Variants in CDK14 observed in about 807,000 individuals in gnomAD.
CDK14 encodes the protein cyclin dependent kinase 14.
A neutral mutation model predicts 60.7 loss-of-function variants in CDK14; 34 were observed. That is an observed-to-expected ratio of 0.56 (90% CI 0.43 to 0.75). CDK14 has a LOEUF of 0.75. CDK14 is among the 30% of genes least tolerant of loss of function. The pLI, the probability that CDK14 is intolerant of heterozygous loss-of-function variation, is 0.00. For synonymous variants in CDK14, 197 were observed against 203.7 expected (o/e 0.97, Z 0.28); for missense variants, 482 against 564.1 (o/e 0.85, Z 1.47).
At chr7:91,052,126 G>A (rs576226012) in intron 11 of CDK14, among the ~76,000 whole-genome samples, 11 of 152,286 alleles carry the variant, frequency 7.2e-5, no homozygotes, top group African/African-American at 1.2e-4. Flanking sequence ...CATGAGCTGA[G>A]AGTGCGAGTG....
At chr7:90,657,752 TAAC>T (rs1252922042) in intron 2 of CDK14, among the ~76,000 whole-genome samples, 7 of 152,220 alleles carry the variant, frequency 4.6e-5, no homozygotes, top group Admixed American at 3.3e-4. Flanking sequence ...CTGGCCAACT[TAAC>T]AACGACAGCA....
chr7:91,120,156 G>A (rs936749115), intron 14 of CDK14, among the ~76,000 whole-genome samples: 3 of 152,184 alleles, frequency 2.0e-5, no homozygotes, highest in African/African-American at 7.2e-5. Flanking sequence ...AAGCAAGCCT[G>A]AATTTCAATT....
chr7:91,177,488 G>T (rs1452686253), intron 14 of CDK14, among the ~76,000 whole-genome samples: 1 of 151,720 alleles, frequency 6.6e-6, no homozygotes, highest in Admixed American at 6.6e-5. Flanking sequence ...GGAAATAAAG[G>T]GTATTCAATT....
intron 2 of CDK14, among the ~76,000 whole-genome samples, chr7:90,700,241 G>A (rs1801752738): frequency 6.6e-6 from 1 of 152,066 alleles, no homozygotes. Flanking sequence ...TTTTAGGCAT[G>A]CACCACCATG....
At chr7:91,052,313 C>T (rs192523993) in intron 11 of CDK14, among the ~76,000 whole-genome samples, 3 of 152,172 alleles carry the variant, frequency 2.0e-5, no homozygotes, top group African/African-American at 7.2e-5. Flanking sequence ...GGTCTCACTT[C>T]CTGAGTGTGT....
intron 14 of CDK14, among the ~76,000 whole-genome samples, chr7:91,135,708 G>C (rs1309975312): frequency 6.6e-6 from 1 of 152,070 alleles, no homozygotes; most frequent in Non-Finnish European, 1.5e-5. Context: ...CGTTCTTGAG[G>C]GTTGTTTGCA....
At chr7:91,130,462 AGG>A (rs1158369589) in intron 14 of CDK14, among the ~76,000 whole-genome samples, 1 of 152,160 alleles carries the variant, frequency 6.6e-6, no homozygotes, top group African/African-American at 2.4e-5. Flanking sequence ...AAGAGTCTTA[AGG>A]GGTCCTAAGA....
intron 8 of CDK14, among the ~76,000 whole-genome samples, chr7:90,953,427 A>G (rs530072122): frequency 1.3e-5 from 2 of 152,288 alleles, no homozygotes; most frequent in African/African-American, 2.4e-5. Flanking sequence ...AACATGTGGG[A>G]AAAAAGACAG....
At chr7:90,741,659 T>G (rs1373954757) in intron 3 of CDK14, among the ~76,000 whole-genome samples, 2 of 152,202 alleles carry the variant, frequency 1.3e-5, no homozygotes, top group Non-Finnish European at 2.9e-5. Context: ...CATAATAGGT[T>G]ACTATTTTAT....
intron 11 of CDK14, among the ~76,000 whole-genome samples, chr7:91,048,940 T>A (rs1797312305): frequency 6.6e-6 from 1 of 152,172 alleles, no homozygotes; most frequent in African/African-American, 2.4e-5. Flanking sequence ...AGTGGTGCGA[T>A]TACAACTCAC....
chr7:91,084,285 G>A (rs1798567293), intron 12 of CDK14, among the ~76,000 whole-genome samples: 5 of 152,174 alleles, frequency 3.3e-5, no homozygotes, highest in Admixed American at 2.0e-4. Context: ...GGGACCTGAT[G>A]TCATTCCCCA....
intron 10 of CDK14, among the ~76,000 whole-genome samples, chr7:91,018,093 T>C (rs1452163274): frequency 2.6e-5 from 4 of 152,216 alleles, no homozygotes; most frequent in Non-Finnish European, 5.9e-5. Context: ...TGGATAAATT[T>C]GAAATCTTCA....
intron 10 of CDK14, among the ~76,000 whole-genome samples, chr7:91,023,656 C>T (rs1051969064): frequency 2.6e-5 from 4 of 152,180 alleles, no homozygotes; most frequent in African/African-American, 9.7e-5. Context: ...AAGTACTATG[C>T]TAAGCATTTT....
At chr7:90,805,659 C>T (rs1338375988) in intron 5 of CDK14, among the ~76,000 whole-genome samples, 1 of 151,734 alleles carries the variant, frequency 6.6e-6, no homozygotes, top group African/African-American at 2.4e-5. Context: ...AAAGATGTAC[C>T]TTGTTTATGG....
intron 8 of CDK14, among the ~76,000 whole-genome samples, chr7:90,929,092 G>C (rs551418602): frequency 6.6e-6 from 1 of 152,236 alleles, no homozygotes; most frequent in East Asian, 1.9e-4. Flanking sequence ...TAGGGTGGGA[G>C]TGTCTCGATT....
intron 8 of CDK14, among the ~76,000 whole-genome samples, chr7:90,927,553 T>A (rs1793455735): frequency 6.6e-6 from 1 of 152,144 alleles, no homozygotes; most frequent in Non-Finnish European, 1.5e-5. Context: ...ACAGCTGTAG[T>A]GCAAGTGGTG....
At chr7:91,125,523 C>G (rs902959969) in intron 14 of CDK14, among the ~76,000 whole-genome samples, 1 of 152,056 alleles carries the variant, frequency 6.6e-6, no homozygotes, top group East Asian at 1.9e-4. Flanking sequence ...GCTTTCTCTG[C>G]TAACCAACGC....
At chr7:90,917,542 A>G (rs1169771483) in intron 7 of CDK14, 59 bp from the exon 8 acceptor site, 1 of 1,564,814 alleles carries the variant, frequency 6.4e-7, no homozygotes, top group South Asian at 1.1e-5. Context: ...AGCAGACTGT[A>G]TGTAGAAACT....
intron 11 of CDK14, among the ~76,000 whole-genome samples, chr7:91,075,999 C>G (rs182084895): frequency 6.6e-6 from 1 of 152,054 alleles, no homozygotes; most frequent in East Asian, 1.9e-4. Context: ...ACATTCCATG[C>G]TCGTGGATAG....
Sources: allele counts gnomAD v4.1 joint callset (sites outside exome capture counted in the v4.1 genomes callset), GRCh38; gene constraint gnomAD v4.1.1; transcripts MANE v1.5; gene names NCBI Gene and HGNC (gene_info 2026-07-23, HGNC 2026-07-21).